Variants in FYTTD1 observed in about 807,000 individuals in gnomAD.
FYTTD1 encodes the protein forty-two-three domain containing 1, also known as UAP56-interacting factor.
A neutral mutation model predicts 40.9 loss-of-function variants in FYTTD1; 22 were observed. That is an observed-to-expected ratio of 0.54 (90% CI 0.38 to 0.77). The LOEUF (loss-of-function observed/expected upper bound fraction) is 0.77, where lower values mean the gene tolerates loss of function less well. FYTTD1 is among the 30% of genes least tolerant of loss of function. The pLI is 0.00. For missense variants in FYTTD1, 351 were observed against 392.2 expected (o/e 0.90, Z 0.89); for synonymous variants, 140 against 137.9 (o/e 1.01, Z -0.10).
intron 7 of FYTTD1, 61 bp downstream of exon 7, chr3:197,777,062 A>G (rs1463206243): frequency 1.4e-5 from 14 of 991,276 alleles, no homozygotes; most frequent in Middle Eastern, 4.2e-4. Flanking sequence ...ATCATAAGAA[A>G]GTATTGGACT....
chr3:197,759,620 G>C (rs1172598279), intron 2 of FYTTD1, among the ~76,000 whole-genome samples: 5 of 151,462 alleles, frequency 3.3e-5, no homozygotes, highest in Non-Finnish European at 7.4e-5. Flanking sequence ...AGAACGTATA[G>C]AGTTGTTCTT....
At chr3:197,772,061 TC>T in intron 4 of FYTTD1, among the ~76,000 whole-genome samples, 1 of 152,056 alleles carries the variant, frequency 6.6e-6, no homozygotes, top group Non-Finnish European at 1.5e-5. Context: ...GCCACTGCAC[TC>T]CAGCCTGGGT....
At chr3:197,763,355 G>A (rs112360443) in intron 2 of FYTTD1, 3 of 259,996 alleles carry the variant, frequency 1.2e-5, no homozygotes, top group South Asian at 6.9e-5. Context: ...CGGAGGTTGC[G>A]GTGAGCCGAG....
intron 1 of FYTTD1, chr3:197,755,901 T>C: frequency 7.5e-7 from 1 of 1,326,590 alleles, no homozygotes; most frequent in East Asian, 2.5e-5. Context: ...CTTCTGCGAT[T>C]ATGGGAAGTA....
chr3:197,772,175 A>G (rs1729739977), intron 4 of FYTTD1, among the ~76,000 whole-genome samples: 1 of 152,220 alleles, frequency 6.6e-6, no homozygotes, highest in Admixed American at 6.5e-5. Context: ...ACTTGATAGT[A>G]CCTTTTGTGA....
chr3:197,773,392 T>G lies in FYTTD1; in HGVS notation c.498-11T>G. ...AAATGGCTTAGCATGGCCTATGTGT[T>G]TTTGTTGCAGAAATAACATTCCAGC... On this transcript the variant is annotated splice_polypyrimidine_tract_variant and intron_variant, in intron 4 of 8. Transcript: ENST00000241502. The G allele has an allele frequency of 6.5e-7, 1 of 1,543,898 alleles. No homozygotes were observed. Among genetic ancestry groups the G allele is most frequent in the Non-Finnish European group, 8.9e-7 (1 of 1,120,454 alleles).
rs1184906298 is a variant in FYTTD1, at chr3:197,786,890, C to T, written c.*4981C>T. The T allele has an allele frequency of 1.3e-5, 2 of 151,322 alleles. No individual in the cohort carries two copies. The highest frequency in any genetic ancestry group is 2.9e-5 in the Non-Finnish European group (2 of 67,876). The allele number at this position is 151,322 out of a possible 1,614,324, so 9.4% of individuals were successfully genotyped here. A position where few individuals can be genotyped will look rare whatever the true frequency, so the allele number is the denominator to read the frequency against. Reference sequence around the variant, plus strand: ...CAGCCTCTGCCTCCCAGGATCCTTTCCGGGTTCAAGCAATTCTTGTCCCTC... The same window carrying T: ...CAGCCTCTGCCTCCCAGGATCCTTTTCGGGTTCAAGCAATTCTTGTCCCTC... On this transcript the variant is annotated 3_prime_UTR_variant, in exon 9 of 9. Transcript: ENST00000241502.
chr3:197,777,033 T>A (rs189070195), intron 7 of FYTTD1, 32 bp downstream of exon 7: 3 of 1,286,308 alleles, frequency 2.3e-6, no homozygotes, highest in Non-Finnish European at 3.4e-6. Flanking sequence ...GCAAAAATTA[T>A]AACCTCTCAT....
chr3:197,772,312 C>T (rs1729743965), intron 4 of FYTTD1, among the ~76,000 whole-genome samples: 1 of 152,134 alleles, frequency 6.6e-6, no homozygotes, highest in South Asian at 2.1e-4. Context: ...CTGTTAAACA[C>T]TCGTTTATAT....
At chr3:197,780,550 T>G (rs1730001875) in intron 8 of FYTTD1, among the ~76,000 whole-genome samples, 1 of 152,094 alleles carries the variant, frequency 6.6e-6, no homozygotes, top group African/African-American at 2.4e-5. Flanking sequence ...GCATAGATTT[T>G]TTTTTTTTTT....
intron 1 of FYTTD1, chr3:197,755,656 ATTTG>A: frequency 3.3e-5 from 10 of 300,728 alleles, no homozygotes; most frequent in Non-Finnish European, 1.2e-5. Flanking sequence ...TTATTTATTT[ATTTG>A]TATTTTTAGT....
chr3:197,766,387 G>A (rs1192434962), intron 2 of FYTTD1, among the ~76,000 whole-genome samples: 1 of 147,790 alleles, frequency 6.8e-6, no homozygotes, highest in Non-Finnish European at 1.5e-5. Flanking sequence ...CAAAAACATG[G>A]GATAATATTT....
chr3:197,776,822 C>G, intron 6 of FYTTD1, 105 bp from the exon 7 acceptor site: 2 of 721,494 alleles, frequency 2.8e-6, no homozygotes, highest in Admixed American at 5.4e-5. Flanking sequence ...TTCTTACAAG[C>G]TAAGAAAAAG....
At chr3:197,775,464 C>G (rs1729849439) in intron 6 of FYTTD1, among the ~76,000 whole-genome samples, 1 of 151,918 alleles carries the variant, frequency 6.6e-6, no homozygotes, top group African/African-American at 2.4e-5. Flanking sequence ...TCAGTCGGCC[C>G]TCCATATCCG....
chr3:197,759,601 T>C (rs557131887), intron 2 of FYTTD1, among the ~76,000 whole-genome samples: 73 of 151,424 alleles, frequency 4.8e-4, no homozygotes, highest in Middle Eastern at 3.6e-3. Context: ...AGAGTTGTTC[T>C]TCAGTGGTAG....
At chr3:197,778,967 C>CT (rs765907068) in intron 8 of FYTTD1, among the ~76,000 whole-genome samples, 86 of 152,174 alleles carry the variant, frequency 5.7e-4, no homozygotes, top group Non-Finnish European at 1.1e-3. Flanking sequence ...TGCTGGACTG[C>CT]TTTTTTCCTA....
rs7643554 is a variant in FYTTD1, at chr3:197,783,196, A to G, written c.*1287A>G. 0.051 allele frequency: 7,787 copies of G among 152,744 alleles called. 380 individuals carry two copies. The highest frequency in any genetic ancestry group is 0.13 in the African/African-American group (5,311 of 41,536). 9.5% of individuals were successfully genotyped at this position (152,744 alleles called of 1,614,324 possible). A position where few individuals can be genotyped will look rare whatever the true frequency, so the allele number is the denominator to read the frequency against. ...CCAGATGTTGTATACTGTAAATTAC[A>G]GTATAATGCCAAATGCAGCAAAATC... On this transcript the variant is annotated 3_prime_UTR_variant, in exon 9 of 9. Coordinates refer to ENST00000241502, the MANE Select transcript of FYTTD1 (RefSeq NM_032288.7).
At chr3:197,770,362 T>C (rs755655456) in intron 4 of FYTTD1, 118 bp downstream of exon 4, 1 of 660,598 alleles carries the variant, frequency 1.5e-6, no homozygotes, top group Non-Finnish European at 2.7e-6. Context: ...TCAAGACAGA[T>C]ATTTGGGATG....
intron 2 of FYTTD1, among the ~76,000 whole-genome samples, chr3:197,765,361 C>G (rs1198933993): frequency 6.6e-6 from 1 of 152,146 alleles, no homozygotes; most frequent in Non-Finnish European, 1.5e-5. Context: ...TAGCATCAGT[C>G]TTATCAGATT....
Sources: gnomAD v4.1 joint callset for allele counts (sites outside exome capture counted in the v4.1 genomes callset) on GRCh38, gnomAD v4.1.1 for gene constraint, MANE v1.5 for transcripts, NCBI Gene and HGNC (gene_info 2026-07-23, HGNC 2026-07-21) for gene names.